NALCN: variants seen among roughly 807,000 people sequenced by gnomAD.
NALCN encodes sodium leak channel, non-selective, also known as sodium leak channel NALCN.
A neutral mutation model predicts 225.3 loss-of-function variants in NALCN; 111 were observed. The observed-to-expected ratio is 0.49, with a 90% CI of 0.42 to 0.58. The LOEUF (loss-of-function observed/expected upper bound fraction) is 0.58. Among genes scored for constraint, NALCN ranks in the 20% least tolerant of loss-of-function variants. The probability of loss-of-function intolerance (pLI) is 0.00; values close to 1 mark genes in which losing one functional copy is unlikely to be tolerated. For synonymous variants in NALCN, 764 were observed against 769.0 expected, an observed-to-expected ratio of 0.99 and a Z score of 0.11; for missense variants, 1,378 against 2,202.4, an observed-to-expected ratio of 0.63 and a Z score of 7.49.
intron 7 of NALCN, among the ~76,000 whole-genome samples, chr13:101,323,000 A>C (rs1035254872): frequency 6.6e-6 from 1 of 152,198 alleles, no homozygotes; most frequent in African/African-American, 2.4e-5. Context: ...GGTGTGAGCC[A>C]CTGCGCCTGG....
intron 1 of NALCN, among the ~76,000 whole-genome samples, chr13:101,416,074 G>A (rs540628590): frequency 6.6e-6 from 1 of 151,952 alleles, no homozygotes; most frequent in Non-Finnish European, 1.5e-5. Flanking sequence ...CCGCGCCCCG[G>A]CCAGGCCGGC....
At chr13:101,097,893 A>C (rs1427379584) in intron 27 of NALCN, among the ~76,000 whole-genome samples, 1 of 152,218 alleles carries the variant, frequency 6.6e-6, no homozygotes, top group Non-Finnish European at 1.5e-5. Flanking sequence ...CAGGTTAGGT[A>C]CTTCGCATAA....
rs530277463 is a variant in NALCN at position 101,234,105 on chromosome 13, A to C, written c.1434+3650T>G. 5.9e-5 allele frequency among the ~76,000 whole-genome samples: 9 copies of C among 152,284 alleles called. No individual in the cohort carries two copies. In the South Asian group the frequency reaches 1.9e-3, roughly 32 times the overall value. On this transcript the variant is annotated intron_variant, in intron 12 of 43. Coordinates refer to ENST00000251127, the MANE Select transcript of NALCN (RefSeq NM_052867.4). ...GGCTTCTATGAACAACTAATCTAAA[A>C]TAGCCCCTACTACACAATCTCTATG... is the stretch of plus-strand genomic sequence containing the variant.
chr13:101,356,200 C>A (rs1457329540), intron 6 of NALCN, among the ~76,000 whole-genome samples: 1 of 151,790 alleles, frequency 6.6e-6, no homozygotes, highest in Admixed American at 6.6e-5. Context: ...AAGATCAGAG[C>A]AGAATTGAAG....
At chr13:101,135,074 A>G (rs987961561) in intron 17 of NALCN, among the ~76,000 whole-genome samples, 9 of 152,122 alleles carry the variant, frequency 5.9e-5, no homozygotes, top group Non-Finnish European at 7.4e-5. Flanking sequence ...GGGCGCCTGT[A>G]GTCCCAGCTA....
chr13:101,238,038 C>CA, intron 11 of NALCN, 116 bp from the exon 12 acceptor site: 1 of 784,586 alleles, frequency 1.3e-6, no homozygotes, highest in East Asian at 3.0e-5. Context: ...TAAGGTGCCC[C>CA]ATAAGGTCAA....
At chr13:101,396,112 C>A (rs1287818101) in intron 2 of NALCN, among the ~76,000 whole-genome samples, 1 of 152,068 alleles carries the variant, frequency 6.6e-6, no homozygotes, top group African/African-American at 2.4e-5. Context: ...ACTTTCTGTG[C>A]AACACTACAG....
At chr13:101,257,614 C>T (rs2042282741) in intron 11 of NALCN, among the ~76,000 whole-genome samples, 2 of 151,810 alleles carry the variant, frequency 1.3e-5, no homozygotes, top group South Asian at 4.2e-4. Context: ...TTTCAGTTTA[C>T]TTTTTCATAG....
rs569996903 is a variant in NALCN at position 101,118,764 on chromosome 13, T to C, written c.2192+5844A>G. 2.6e-5 allele frequency among the ~76,000 whole-genome samples: 4 copies of C among 152,346 alleles called. No individual in the cohort carries two copies. In the East Asian group the frequency reaches 7.7e-4, roughly 29 times the overall value. ...TACCAAATGCTAAGAAAAAAATTGC[T>C]GCTATCTCAGGGGTTGGCACAAACC... On this transcript the variant is annotated intron_variant, in intron 18 of 43. Coordinates refer to ENST00000251127, the MANE Select transcript of NALCN (RefSeq NM_052867.4).
intron 15 of NALCN, among the ~76,000 whole-genome samples, chr13:101,164,503 T>G (rs1424621363): frequency 6.6e-6 from 1 of 152,140 alleles, no homozygotes. Context: ...ATTGCCCAGG[T>G]TGGTCTCCAA....
chr13:101,112,971 A>C (rs1182551459), intron 18 of NALCN, among the ~76,000 whole-genome samples: 1 of 152,178 alleles, frequency 6.6e-6, no homozygotes, highest in Admixed American at 6.5e-5. Flanking sequence ...ATAAGAACTT[A>C]CTAAATATGT....
chr13:101,110,682 T>A lies in NALCN; in HGVS notation c.2301A>T (p.Leu767=), dbSNP rs777965713. The change falls in exon 20 of 44, where the codon CTA becomes CTT. Residue 767 remains leucine (L), a synonymous_variant. Coordinates refer to ENST00000251127, the MANE Select transcript of NALCN (RefSeq NM_052867.4). ...TCCTCTGGCTGTTTGATCCATGTCT[T>A]AGTGACCTAAAACAACCACAGGCAC... ...QHHIRQERRS[L]RHGSNSQRIS... The A allele has an allele frequency of 6.2e-7, 1 of 1,614,088 alleles. No individual in the cohort carries two copies. The highest frequency in any genetic ancestry group is 8.5e-7 in the Non-Finnish European group (1 of 1,179,950).
intron 13 of NALCN, among the ~76,000 whole-genome samples, chr13:101,204,935 T>G (rs1270243679): frequency 6.6e-6 from 1 of 152,122 alleles, no homozygotes; most frequent in Non-Finnish European, 1.5e-5. Flanking sequence ...CCCTGTGAAG[T>G]GATTACTGTA....
intron 10 of NALCN, among the ~76,000 whole-genome samples, chr13:101,279,730 T>TG (rs1349661598): frequency 6.8e-6 from 1 of 148,118 alleles, no homozygotes; most frequent in African/African-American, 2.5e-5. Flanking sequence ...GGCAGGAGAA[T>TG]GGCGTGAACC....
chr13:101,298,770 G>A (rs865993135), intron 7 of NALCN, among the ~76,000 whole-genome samples: 2 of 152,178 alleles, frequency 1.3e-5, no homozygotes, highest in Admixed American at 6.5e-5. Context: ...AAGATGTGTA[G>A]CCACACCCCT....
intron 6 of NALCN, chr13:101,368,472 A>G (rs543009073): frequency 6.6e-6 from 1 of 152,096 alleles, no homozygotes; most frequent in Non-Finnish European, 1.5e-5. Context: ...ATACGTGTGC[A>G]TGTGTCTTTA....
intron 15 of NALCN, among the ~76,000 whole-genome samples, chr13:101,173,278 T>C (rs2038820502): frequency 6.6e-6 from 1 of 152,252 alleles, no homozygotes; most frequent in African/African-American, 2.4e-5. Flanking sequence ...TCATTATTTA[T>C]AAACAAATAA....
intron 34 of NALCN, among the ~76,000 whole-genome samples, chr13:101,080,622 T>G (rs1358718912): frequency 2.3e-5 from 3 of 128,122 alleles, no homozygotes; most frequent in Non-Finnish European, 5.1e-5. Flanking sequence ...ATCAATTAAA[T>G]TAATTATTTA....
intron 13 of NALCN, among the ~76,000 whole-genome samples, chr13:101,203,804 T>C (rs2040217401): frequency 1.3e-5 from 2 of 152,212 alleles, no homozygotes; most frequent in African/African-American, 4.8e-5. Context: ...CTTTCCAGTC[T>C]ATTTTTCCAA....
Sources: allele counts gnomAD v4.1 joint callset (sites outside exome capture counted in the v4.1 genomes callset), GRCh38; gene constraint gnomAD v4.1.1; transcripts MANE v1.5; gene names NCBI Gene and HGNC (gene_info 2026-07-23, HGNC 2026-07-21).